Variants in CTNNA1 observed in about 807,000 individuals in gnomAD.
CTNNA1 encodes the protein catenin alpha-1.
Under a neutral mutation model 98.4 loss-of-function variants are expected in CTNNA1, and 37 were observed. That is an observed-to-expected ratio of 0.38 (90% CI 0.29 to 0.49). CTNNA1 has a LOEUF of 0.49. CTNNA1 is among the 20% of genes least tolerant of loss of function. The pLI is 0.95. For synonymous variants in CTNNA1, 404 were observed against 413.2 expected (o/e 0.98, Z 0.27); for missense variants, 761 against 1,147.2 (o/e 0.66, Z 4.86).
chr5:138,832,497 G>A (rs1761362540), intron 7 of CTNNA1, among the ~76,000 whole-genome samples: 1 of 152,050 alleles, frequency 6.6e-6, no homozygotes, highest in African/African-American at 2.4e-5. Flanking sequence ...AGCTTTGGAT[G>A]GATGTTATAA....
In CTNNA1 at chr5:138,764,646, T is replaced by TAA. The variant is rs1752713835; in HGVS notation, c.-3+11136_-3+11137insAA. Among the ~76,000 whole-genome samples, 5 of 151,254 alleles carry TAA rather than the reference T, an allele frequency of 3.3e-5. No individual in the cohort carries two copies. The South Asian group carries it at 1.0e-3, about 32-fold the overall frequency. On this transcript the variant is annotated intron_variant, in intron 1 of 17. Coordinates refer to ENST00000302763, the MANE Select transcript of CTNNA1 (RefSeq NM_001903.5). ...ACCACCACGCCTGGCTGATTTTGTA[T>TAA]TTTTATTAGAGACGGGGTTTCTCCA...
In CTNNA1 at chr5:138,932,971, A is replaced by T. The variant is rs552595111; in HGVS notation, c.2433+259A>T. 2.3e-4 allele frequency: 174 copies of T among 767,598 alleles called. 1 individual carries two copies. The highest frequency in any genetic ancestry group is 3.8e-4 in the Non-Finnish European group (159 of 420,088). The allele number at this position is 767,598 out of a possible 1,614,324, so 47.5% of individuals were successfully genotyped here. A position where few individuals can be genotyped will look rare whatever the true frequency, so the allele number is the denominator to read the frequency against. ...GGCCACTCACTGGGTAGGAATTTTT[A>T]AAAATCTTCCTTGGGACCGGGCGTG... On this transcript the variant is annotated intron_variant, in intron 17 of 17. Transcript: ENST00000302763.
intron 1 of CTNNA1, among the ~76,000 whole-genome samples, chr5:138,772,762 A>G (rs1011403949): frequency 2.0e-5 from 3 of 152,184 alleles, no homozygotes; most frequent in African/African-American, 7.2e-5. Context: ...ACATAAATGA[A>G]AAGAGCACCA....
At chr5:138,837,240 C>T (rs1205794117) in intron 7 of CTNNA1, among the ~76,000 whole-genome samples, 4 of 151,982 alleles carry the variant, frequency 2.6e-5, no homozygotes, top group South Asian at 4.2e-4. Flanking sequence ...TATATCAAAG[C>T]GATTTTTGAC....
chr5:138,879,128 T>C (rs1254179366), intron 7 of CTNNA1, among the ~76,000 whole-genome samples: 1 of 136,748 alleles, frequency 7.3e-6, no homozygotes, highest in East Asian at 2.1e-4. Flanking sequence ...GAGAATCGCT[T>C]GAACCAGGTG....
chr5:138,859,117 T>C (rs1204896701), intron 7 of CTNNA1, among the ~76,000 whole-genome samples: 3 of 152,246 alleles, frequency 2.0e-5, no homozygotes, highest in East Asian at 1.9e-4. Context: ...CTAAATGGTA[T>C]ACATGTGTAT....
intron 3 of CTNNA1, among the ~76,000 whole-genome samples, 184 bp downstream of exon 3, chr5:138,783,556 C>A (rs1755370026): frequency 6.6e-6 from 1 of 151,980 alleles, no homozygotes; most frequent in African/African-American, 2.4e-5. Flanking sequence ...TTATGCTTGC[C>A]AGTTGCTCAG....
At chr5:138,933,760 A>AG in intron 17 of CTNNA1, 42 bp from the exon 18 acceptor site, 1 of 1,593,550 alleles carries the variant, frequency 6.3e-7, no homozygotes, top group Non-Finnish European at 8.6e-7. Flanking sequence ...ACGAGGCTGG[A>AG]GGTCAGGCCG....
intron 9 of CTNNA1, among the ~76,000 whole-genome samples, chr5:138,898,682 A>AT (rs1451518605): frequency 6.6e-6 from 1 of 151,986 alleles, no homozygotes; most frequent in Non-Finnish European, 1.5e-5. Flanking sequence ...CCCATTTGGA[A>AT]TTTGTCTTCC....
intron 11 of CTNNA1, among the ~76,000 whole-genome samples, chr5:138,919,875 G>C (rs1468957202): frequency 6.6e-6 from 1 of 151,700 alleles, no homozygotes; most frequent in Non-Finnish European, 1.5e-5. Context: ...GCAGATGCCT[G>C]TGCAGGTTTC....
Position 138,874,994 on chromosome 5 carries a change from G to A in CTNNA1, c.1063-11218G>A. ...GTCTGTAAAAGGCTCTAACATGTAG[G>A]AGCCTTTGACCAGTTTCCTGTTTTC... On this transcript the variant is annotated intron_variant, in intron 7 of 17. Transcript: ENST00000302763. The surrounding 1 kb of genome is among the most constrained non-coding windows in gnomAD (Gnocchi z 4.1). 7.0e-7 allele frequency: 1 copy of A among 1,431,192 alleles called. No individual in the cohort carries two copies. The highest frequency in any genetic ancestry group is 9.8e-7 in the Non-Finnish European group (1 of 1,023,374). 88.7% of individuals were successfully genotyped at this position (1,431,192 alleles called of 1,614,324 possible).
chr5:138,889,074 C>T (rs1480734866), intron 9 of CTNNA1, among the ~76,000 whole-genome samples: 1 of 152,198 alleles, frequency 6.6e-6, no homozygotes, highest in Non-Finnish European at 1.5e-5. Flanking sequence ...ACAATAGTCA[C>T]ATGACAGCAT....
At chr5:138,771,440 G>A (rs1753542108) in intron 1 of CTNNA1, among the ~76,000 whole-genome samples, 1 of 152,138 alleles carries the variant, frequency 6.6e-6, no homozygotes, top group African/African-American at 2.4e-5. Context: ...GCAGTGTAGT[G>A]GCATGATCAT....
chr5:138,915,078 TG>T (rs772617630), intron 10 of CTNNA1, among the ~76,000 whole-genome samples: 6 of 151,856 alleles, frequency 4.0e-5, no homozygotes, highest in Non-Finnish European at 7.4e-5. Flanking sequence ...ACCTGGGAGG[TG>T]GAGGTTGCAG....
At chr5:138,764,301 G>A (rs548514260) in intron 1 of CTNNA1, among the ~76,000 whole-genome samples, 324 of 152,168 alleles carry the variant, frequency 2.1e-3, no homozygotes, top group Non-Finnish European at 2.5e-3. Context: ...GGAAGGCGGA[G>A]GTTGCAGTGA....
At chr5:138,882,709 T>C (rs1042902002) in intron 7 of CTNNA1, among the ~76,000 whole-genome samples, 2 of 152,220 alleles carry the variant, frequency 1.3e-5, no homozygotes, top group African/African-American at 4.8e-5. Flanking sequence ...CCAGTAATAG[T>C]TATACGCTAC....
intron 1 of CTNNA1, among the ~76,000 whole-genome samples, chr5:138,772,201 G>T (rs990034561): frequency 1.5e-4 from 23 of 152,266 alleles, no homozygotes; most frequent in African/African-American, 5.5e-4. Context: ...CTAAATGATT[G>T]CATCTCTGCC....
chr5:138,821,422 T>C (rs1760029808), intron 5 of CTNNA1, among the ~76,000 whole-genome samples: 1 of 152,244 alleles, frequency 6.6e-6, no homozygotes, highest in African/African-American at 2.4e-5. Flanking sequence ...CTATGAATTC[T>C]TGCCTTTTGT....
Position 138,902,206 on chromosome 5 carries a change from G to C in CTNNA1, c.1297-2143G>C, listed in dbSNP as rs79153492. ...AGCCACACACTACCCTCATGTGTCT[G>C]ATGTAGAGAGTACTTACGTAATCTT... On this transcript the variant is annotated intron_variant, in intron 9 of 17. Transcript: ENST00000302763. Among the ~76,000 whole-genome samples, 820 of 152,300 alleles carry C rather than the reference G, an allele frequency of 5.4e-3. 7 individuals carry two copies. The highest frequency in any genetic ancestry group is 0.019 in the African/African-American group (782 of 41,544).
Sources: allele counts gnomAD v4.1 joint callset (sites outside exome capture counted in the v4.1 genomes callset), GRCh38; gene constraint gnomAD v4.1.1; non-coding constraint Gnocchi (gnomAD v3.1); transcripts MANE v1.5; gene names NCBI Gene and HGNC (gene_info 2026-07-23, HGNC 2026-07-21).